FBXO25: variants seen among roughly 807,000 people sequenced by gnomAD.
FBXO25 encodes F-box protein 25, also known as F-box only protein 25.
A neutral mutation model predicts 51.9 loss-of-function variants in FBXO25; 45 were observed. That is an observed-to-expected ratio of 0.87 (90% CI 0.68 to 1.11). The LOEUF (loss-of-function observed/expected upper bound fraction) is 1.11. Among genes scored for constraint, FBXO25 ranks in the 50% most tolerant of loss-of-function variants. FBXO25 has a pLI of 0.00. For synonymous variants in FBXO25, 199 were observed against 151.0 expected (o/e 1.32, Z -2.33); for missense variants, 507 against 428.5 (o/e 1.18, Z -1.62).
Position 472,743 on chromosome 8 carries a change from T to C in FBXO25, c.*3939T>C, listed in dbSNP as rs1429852262. 1 of 152,194 alleles carries C rather than the reference T, an allele frequency of 6.6e-6. No individual in the cohort carries two copies. Among genetic ancestry groups the C allele is most frequent in the Non-Finnish European group, 1.5e-5 (1 of 68,034 alleles). The allele number at this position is 152,194 out of a possible 1,614,324, so 9.4% of individuals were successfully genotyped here. ...TTTCTCCAGAGATGCCTTTTAATGGTTTTTCTTTTCATTGCGAAGGCCTAA... is the reference window on the plus strand; with the variant it reads ...TTTCTCCAGAGATGCCTTTTAATGGCTTTTCTTTTCATTGCGAAGGCCTAA... On this transcript the variant is annotated 3_prime_UTR_variant, in exon 10 of 10. Transcript: ENST00000350302.
At chr8:444,603 T>C (rs1798623223) in intron 5 of FBXO25, among the ~76,000 whole-genome samples, 1 of 152,242 alleles carries the variant, frequency 6.6e-6, no homozygotes, top group African/African-American at 2.4e-5. Flanking sequence ...ACTTTCTTTC[T>C]CTTTATCTAA....
intron 8 of FBXO25, among the ~76,000 whole-genome samples, chr8:459,077 C>G (rs941313517): frequency 6.6e-6 from 1 of 152,188 alleles, no homozygotes; most frequent in Non-Finnish European, 1.5e-5. Flanking sequence ...GCAGGGTGGT[C>G]TGCTTATTCC....
At chr8:429,423 T>C (rs1227949411) in intron 2 of FBXO25, among the ~76,000 whole-genome samples, 1 of 152,132 alleles carries the variant, frequency 6.6e-6, no homozygotes, top group Non-Finnish European at 1.5e-5. Flanking sequence ...TAAGTCAGAG[T>C]AGGTGATGTT....
chr8:416,942 G>A (rs1313116529), intron 2 of FBXO25, among the ~76,000 whole-genome samples: 1 of 152,212 alleles, frequency 6.6e-6, no homozygotes, highest in African/African-American at 2.4e-5. Context: ...GGTAGAGGAA[G>A]ATCTATAGAG....
intron 7 of FBXO25, among the ~76,000 whole-genome samples, chr8:455,043 A>G (rs1304812207): frequency 7.9e-5 from 12 of 152,198 alleles, no homozygotes; most frequent in Admixed American, 7.8e-4. Flanking sequence ...CAAGCCACCA[A>G]CAAAAAGTAA....
intron 5 of FBXO25, among the ~76,000 whole-genome samples, chr8:440,333 T>G (rs1226320555): frequency 6.6e-6 from 1 of 152,220 alleles, no homozygotes; most frequent in Non-Finnish European, 1.5e-5. Flanking sequence ...TGATTTTCTT[T>G]TGAGGAGGAT....
intron 2 of FBXO25, among the ~76,000 whole-genome samples, chr8:426,095 A>G (rs1057286020): frequency 2.0e-5 from 3 of 152,136 alleles, no homozygotes; most frequent in African/African-American, 7.2e-5. Flanking sequence ...TAACCATGGC[A>G]TGCTGCACTT....
intron 4 of FBXO25, 96 bp downstream of exon 4, chr8:433,031 A>G (rs1797907379): frequency 1.5e-6 from 2 of 1,346,142 alleles, no homozygotes; most frequent in Admixed American, 3.4e-5. Flanking sequence ...TGCATAAAAC[A>G]CATTTCTTTT....
chr8:423,100 G>A (rs1295263740), intron 2 of FBXO25, among the ~76,000 whole-genome samples: 1 of 142,068 alleles, frequency 7.0e-6, no homozygotes, highest in Non-Finnish European at 1.6e-5. Context: ...TCCCTGCTGT[G>A]TTGAGATACC....
intron 9 of FBXO25, chr8:467,924 C>T (rs555134641): frequency 9.4e-5 from 137 of 1,451,100 alleles, no homozygotes; most frequent in Non-Finnish European, 1.1e-4. Context: ...TCAGCAAGGA[C>T]GAGAGTGTTG....
At chr8:415,476 G>T (rs1160940541) in intron 2 of FBXO25, among the ~76,000 whole-genome samples, 1 of 152,210 alleles carries the variant, frequency 6.6e-6, no homozygotes, top group Non-Finnish European at 1.5e-5. Context: ...CCTGACCTAA[G>T]TAAGCCTTTT....
At chr8:432,368 C>T (rs985138761) in intron 3 of FBXO25, among the ~76,000 whole-genome samples, 1 of 152,150 alleles carries the variant, frequency 6.6e-6, no homozygotes, top group Non-Finnish European at 1.5e-5. Context: ...CTGGAATTTT[C>T]CACTTAATGT....
chr8:459,851 C>G (rs937387863), intron 8 of FBXO25, among the ~76,000 whole-genome samples: 1 of 152,178 alleles, frequency 6.6e-6, no homozygotes, highest in Non-Finnish European at 1.5e-5. Flanking sequence ...GCTGGACTCT[C>G]AAGGCCATGG....
At position 458,432 on chromosome 8, in the gene FBXO25, C is replaced by T. The variant is rs201428908; in HGVS notation, c.724C>T (p.Arg242Trp). The stretch of plus-strand genomic sequence containing the variant: ...GCACATGCTGAACAACATCCTATAC[C>T]GGTTCTCAGACGGATGGGACATCAT... ...PLHMLNNILY[R>W]FSDGWDIITL... is the part of the protein sequence containing the mutation. The change falls in exon 8 of 10, where the codon CGG (arginine) becomes TGG (tryptophan). Residue 242 changes from arginine to tryptophan, a missense_variant. Physicochemically the swap from Arg to Trp is moderately radical, Grantham distance 101. Transcript: ENST00000350302. 5.6e-6 allele frequency: 9 copies of T among 1,614,076 alleles called. No individual in the cohort carries two copies. The highest frequency in any genetic ancestry group is 1.1e-5 in the South Asian group (1 of 91,082).
intron 4 of FBXO25, among the ~76,000 whole-genome samples, chr8:435,201 T>C (rs1301917330): frequency 6.6e-6 from 1 of 152,176 alleles, no homozygotes; most frequent in Non-Finnish European, 1.5e-5. Context: ...TTCAACTAGA[T>C]ATTTGTAACA....
chr8:425,599 T>G (rs1414859144), intron 2 of FBXO25, among the ~76,000 whole-genome samples: 1 of 126,168 alleles, frequency 7.9e-6, no homozygotes, highest in African/African-American at 2.7e-5. Context: ...TTTAAATAAT[T>G]TATTTTTATT....
chr8:466,897 C>G (rs1270475029), intron 9 of FBXO25, among the ~76,000 whole-genome samples: 1 of 152,154 alleles, frequency 6.6e-6, no homozygotes, highest in Admixed American at 6.5e-5. Flanking sequence ...CCCGGCTGTA[C>G]AAAACCTCAG....
At chr8:417,684 T>G (rs1247650006) in intron 2 of FBXO25, among the ~76,000 whole-genome samples, 2 of 152,226 alleles carry the variant, frequency 1.3e-5, no homozygotes, top group Non-Finnish European at 2.9e-5. Context: ...CCTAATGCAT[T>G]GCATGTTCAT....
chr8:455,179 G>A (rs1393581674), intron 7 of FBXO25, among the ~76,000 whole-genome samples: 1 of 152,182 alleles, frequency 6.6e-6, no homozygotes, highest in Non-Finnish European at 1.5e-5. Flanking sequence ...GAAGGTGCAG[G>A]GGATTAGGAC....
Sources: gnomAD v4.1 joint callset for allele counts (sites outside exome capture counted in the v4.1 genomes callset) on GRCh38, gnomAD v4.1.1 for gene constraint, MANE v1.5 for transcripts, NCBI Gene and HGNC (gene_info 2026-07-23, HGNC 2026-07-21) for gene names.